The following CAST variants were observed in gnomAD, a reference collection of about 807,000 sequenced individuals.
CAST encodes the protein MIR583 host.
Under a neutral mutation model 119.6 loss-of-function variants are expected in CAST, and 76 were observed. The observed-to-expected ratio is 0.64, with a 90% CI of 0.53 to 0.77. The LOEUF is 0.77. Ranked by LOEUF, CAST falls within the 30% of genes least tolerant of loss-of-function variation. CAST has a pLI of 0.00. For missense variants in CAST, 953 were observed against 946.5 expected (o/e 1.01, Z -0.09); for synonymous variants, 319 against 331.6 (o/e 0.96, Z 0.41).
chr5:96,382,284 C>G, the CAST span, among the ~76,000 whole-genome samples: 2 of 152,146 alleles, frequency 1.3e-5, no homozygotes, highest in Admixed American at 1.3e-4. Flanking sequence ...ATTAGCTATG[C>G]GACCTTGATC....
intron 1 of CAST, among the ~76,000 whole-genome samples, chr5:96,587,247 C>A (rs1373858497): frequency 2.0e-5 from 3 of 152,222 alleles, no homozygotes; most frequent in African/African-American, 7.2e-5. Context: ...ATTACAGCCG[C>A]TCAGACCTTT....
chr5:96,074,149 C>T, the CAST span, among the ~76,000 whole-genome samples: 17 of 152,126 alleles, frequency 1.1e-4, no homozygotes, highest in Non-Finnish European at 1.5e-4. Context: ...CCTGCTACCT[C>T]GCTTCCCTGA....
At chr5:96,322,379 C>A in the CAST span, among the ~76,000 whole-genome samples, 1 of 152,134 alleles carries the variant, frequency 6.6e-6, no homozygotes, top group African/African-American at 2.4e-5. Flanking sequence ...CAACAATGAA[C>A]TTTACCTCCT....
chr5:96,398,793 T>C, the CAST span: 2 of 1,120,190 alleles, frequency 1.8e-6, no homozygotes, highest in Admixed American at 1.7e-5. Context: ...GAGACTTTGT[T>C]CTATGAATAA....
chr5:96,682,200 G>A (rs751853271), intron 2 of CAST, among the ~76,000 whole-genome samples: 5 of 152,184 alleles, frequency 3.3e-5, no homozygotes, highest in Non-Finnish European at 7.4e-5. Context: ...AGAGACTACT[G>A]TAATTCTGAC....
At chr5:96,115,577 A>G in the CAST span, among the ~76,000 whole-genome samples, 1 of 152,226 alleles carries the variant, frequency 6.6e-6, no homozygotes, top group South Asian at 2.1e-4. Flanking sequence ...ATTTAATAGC[A>G]GTCTGGTTCC....
chr5:96,422,508 C>T, the CAST span, among the ~76,000 whole-genome samples: 1 of 152,272 alleles, frequency 6.6e-6, no homozygotes, highest in African/African-American at 2.4e-5. Context: ...ACTCCCTTTT[C>T]CAACCCAATA....
chr5:96,372,240 A>G, the CAST span, among the ~76,000 whole-genome samples: 2 of 152,176 alleles, frequency 1.3e-5, no homozygotes, highest in Admixed American at 6.5e-5. Context: ...GTTCCTTGCT[A>G]TATACCTCAC....
the CAST span, among the ~76,000 whole-genome samples, chr5:96,244,052 G>A: frequency 6.6e-6 from 1 of 152,208 alleles, no homozygotes; most frequent in South Asian, 2.1e-4. Context: ...AGGTTAGAAA[G>A]TGGCTAGAGT....
At chr5:96,479,814 G>T in the CAST span, among the ~76,000 whole-genome samples, 1 of 152,042 alleles carries the variant, frequency 6.6e-6, no homozygotes, top group African/African-American at 2.4e-5. Flanking sequence ...AGTGAGGTGG[G>T]AATTGTAGTA....
At chr5:96,674,000 T>A (rs2150244660) in intron 1 of CAST, among the ~76,000 whole-genome samples, 1 of 152,354 alleles carries the variant, frequency 6.6e-6, no homozygotes, top group East Asian at 1.9e-4. Context: ...ACATGCCTTT[T>A]GGCTAGTTGT....
chr5:96,735,756 C>T (rs1485430939), intron 9 of CAST, among the ~76,000 whole-genome samples: 1 of 151,796 alleles, frequency 6.6e-6, no homozygotes, highest in Non-Finnish European at 1.5e-5. Context: ...TGTTGAGATG[C>T]CGAAGTGAGG....
chr5:96,043,601 T>A, the CAST span, among the ~76,000 whole-genome samples: 3,128 of 152,280 alleles, frequency 0.021, 74 homozygotes, highest in Admixed American at 0.073. Flanking sequence ...CTGCAGTAAT[T>A]CCTGTTATCA....
chr5:96,028,773 G>A, the CAST span, among the ~76,000 whole-genome samples: 3 of 151,944 alleles, frequency 2.0e-5, no homozygotes, highest in Non-Finnish European at 4.4e-5. Context: ...AAAAGCTGAC[G>A]TTAATGAATA....
chr5:96,559,112 G>A (rs1030743125), intron 1 of CAST, among the ~76,000 whole-genome samples: 1 of 152,084 alleles, frequency 6.6e-6, no homozygotes, highest in African/African-American at 2.4e-5. Flanking sequence ...AAAGCCACAT[G>A]ATTATCTCAA....
At chr5:96,140,641 A>C in the CAST span, among the ~76,000 whole-genome samples, 1 of 152,198 alleles carries the variant, frequency 6.6e-6, no homozygotes, top group Non-Finnish European at 1.5e-5. Context: ...TACTTATAAA[A>C]TGGAGATAAT....
chr5:96,404,824 G>A, the CAST span, among the ~76,000 whole-genome samples: 2 of 152,128 alleles, frequency 1.3e-5, no homozygotes, highest in Non-Finnish European at 2.9e-5. Flanking sequence ...ATTTATAGGT[G>A]AAATTAATAA....
the CAST span, among the ~76,000 whole-genome samples, chr5:96,172,260 A>C: frequency 6.6e-6 from 1 of 152,146 alleles, no homozygotes; most frequent in African/African-American, 2.4e-5. Context: ...TAAGGCAGGG[A>C]CTGGCCATTT....
chr5:95,975,881 G>A, the CAST span, among the ~76,000 whole-genome samples: 1 of 152,210 alleles, frequency 6.6e-6, no homozygotes, highest in South Asian at 2.1e-4. Context: ...CATTAAGTTA[G>A]CCATGAATAT....
Sources: gnomAD v4.1 joint callset for allele counts (sites outside exome capture counted in the v4.1 genomes callset) on GRCh38, gnomAD v4.1.1 for gene constraint, MANE v1.5 for transcripts, NCBI Gene and HGNC (gene_info 2026-07-23, HGNC 2026-07-21) for gene names.